The following PARD3B variants were observed in gnomAD, a reference collection of about 807,000 sequenced individuals.
PARD3B encodes the protein par-3 family cell polarity regulator beta.
PARD3B carries 103 observed loss-of-function variants against 130.2 expected under a neutral mutation model. The observed-to-expected ratio is 0.79, with a 90% CI of 0.67 to 0.93. The LOEUF (loss-of-function observed/expected upper bound fraction) is 0.93, where lower values mean the gene tolerates loss of function less well. Ranked by LOEUF, PARD3B falls within the 40% of genes least tolerant of loss-of-function variation. PARD3B has a pLI of 0.00. For synonymous variants in PARD3B, 583 were observed against 553.2 expected (o/e 1.05, Z -0.76); for missense variants, 1,609 against 1,499.2 (o/e 1.07, Z -1.21).
At chr2:205,056,998 G>T (rs1257017947) in intron 4 of PARD3B, among the ~76,000 whole-genome samples, 1 of 151,182 alleles carries the variant, frequency 6.6e-6, no homozygotes, top group African/African-American at 2.4e-5. Context: ...TTGATATAAG[G>T]TTATGGCATG....
chr2:205,068,513 A>G (rs144798710), intron 4 of PARD3B, among the ~76,000 whole-genome samples: 22 of 152,026 alleles, frequency 1.4e-4, no homozygotes, highest in African/African-American at 5.1e-4. Context: ...TTTCCAGTTT[A>G]TTAACTTTTG....
Position 205,397,978 on chromosome 2 carries a change from A to G in PARD3B, c.2631-3035A>G, listed in dbSNP as rs1457068791. 1.3e-5 allele frequency among the ~76,000 whole-genome samples: 2 copies of G among 152,138 alleles called. No individual in the cohort carries two copies. Among genetic ancestry groups the G allele is most frequent in the Non-Finnish European group, 2.9e-5 (2 of 68,032 alleles). On this transcript the variant is annotated intron_variant, in intron 18 of 22. Transcript: ENST00000406610. This position sits in a 1 kb window ranked among gnomAD's most constrained non-coding sequence, Gnocchi z 4.8. The stretch of plus-strand genomic sequence containing the variant: ...TAGGTTAAGGAGAAGTCTTGAATGT[A>G]TCAGGCAAATCTGAATTATATTTGA...
At chr2:204,651,124 C>T (rs2035461912) in intron 1 of PARD3B, among the ~76,000 whole-genome samples, 2 of 152,162 alleles carry the variant, frequency 1.3e-5, no homozygotes, top group African/African-American at 4.8e-5. Context: ...TCATGTCCTT[C>T]TCACATTTCA....
At chr2:205,311,322 C>T (rs543752253) in intron 18 of PARD3B, among the ~76,000 whole-genome samples, 3 of 152,158 alleles carry the variant, frequency 2.0e-5, no homozygotes, top group East Asian at 1.9e-4. Flanking sequence ...ACATCCTTGC[C>T]GACACTTATC....
At chr2:204,856,504 A>C (rs1353570015) in intron 2 of PARD3B, among the ~76,000 whole-genome samples, 1 of 152,098 alleles carries the variant, frequency 6.6e-6, no homozygotes, top group African/African-American at 2.4e-5. Flanking sequence ...TCACTCTGTT[A>C]ACTGTTTCCT....
chr2:204,859,026 A>G (rs2045074625), intron 2 of PARD3B, among the ~76,000 whole-genome samples: 1 of 151,892 alleles, frequency 6.6e-6, no homozygotes, highest in African/African-American at 2.4e-5. Context: ...ATTATTCTCA[A>G]ATTTCAGTGA....
chr2:204,965,707 A>C lies in PARD3B; in HGVS notation c.394+384A>C, dbSNP rs182432159. Among the ~76,000 whole-genome samples the C allele has an allele frequency of 2.0e-4, 31 of 152,332 alleles. No individual in the cohort carries two copies. The East Asian group carries it at 5.8e-3, about 28-fold the overall frequency. ...AAGGTCACTTTATTTTCTTAGCCTC[A>C]GTCTTTTTCTGCCCAAACTATAATC... is the stretch of plus-strand genomic sequence containing the variant. On this transcript the variant is annotated intron_variant, in intron 3 of 22. Coordinates refer to ENST00000406610, the MANE Select transcript of PARD3B (RefSeq NM_001302769.2).
intron 22 of PARD3B, among the ~76,000 whole-genome samples, chr2:205,600,626 C>T (rs1458157886): frequency 6.6e-6 from 1 of 152,194 alleles, no homozygotes; most frequent in Non-Finnish European, 1.5e-5. Flanking sequence ...CCCCTGCATG[C>T]ATTAGCTGTT....
intron 21 of PARD3B, among the ~76,000 whole-genome samples, chr2:205,540,215 T>G (rs2052062028): frequency 6.6e-6 from 1 of 152,218 alleles, no homozygotes; most frequent in East Asian, 1.9e-4. Flanking sequence ...GTTCTTGATT[T>G]TGCAAGAGCA....
Position 204,873,942 on chromosome 2 carries a change from G to A in PARD3B, c.223-91210G>A, listed in dbSNP as rs114385868. ...CGGATCACTTGAGGTCAGGAGTTCGGGACCAGCCTGGTTAATATGGTGAAA... is the reference window on the plus strand; with the variant it reads ...CGGATCACTTGAGGTCAGGAGTTCGAGACCAGCCTGGTTAATATGGTGAAA... On this transcript the variant is annotated intron_variant, in intron 2 of 22. Coordinates refer to ENST00000406610, the MANE Select transcript of PARD3B (RefSeq NM_001302769.2). 8.5e-3 allele frequency among the ~76,000 whole-genome samples: 1,286 copies of A among 151,824 alleles called. 18 individuals are homozygous for A. The highest frequency in any genetic ancestry group is 0.028 in the African/African-American group (1,163 of 41,410).
intron 16 of PARD3B, among the ~76,000 whole-genome samples, chr2:205,264,696 CAA>C (rs954504579): frequency 1.3e-5 from 2 of 150,758 alleles, no homozygotes; most frequent in African/African-American, 4.9e-5. Context: ...GATCAACTGA[CAA>C]AAGTCAGCTT....
chr2:205,567,002 G>T (rs1252371622), intron 22 of PARD3B, among the ~76,000 whole-genome samples: 1 of 152,196 alleles, frequency 6.6e-6, no homozygotes, highest in East Asian at 1.9e-4. Flanking sequence ...ACTCCATGAA[G>T]CATAAGGATG....
At position 204,821,221 on chromosome 2, in the gene PARD3B, G is replaced by A. The variant is rs570447744; in HGVS notation, c.222+134939G>A. Among the ~76,000 whole-genome samples, 3 of 152,248 alleles carry A rather than the reference G, an allele frequency of 2.0e-5. No individual in the cohort carries two copies. The South Asian group carries it at 6.2e-4, about 32-fold the overall frequency. On this transcript the variant is annotated intron_variant, in intron 2 of 22. Coordinates refer to ENST00000406610, the MANE Select transcript of PARD3B (RefSeq NM_001302769.2). ...GGTGGGAAACAACTGACTCATGGGG[G>A]CAGGTCTTTCCCATGCTGTTCTCTT...
chr2:204,617,419 A>G (rs1204163188), intron 1 of PARD3B, among the ~76,000 whole-genome samples: 3 of 152,166 alleles, frequency 2.0e-5, no homozygotes, highest in Non-Finnish European at 4.4e-5. Context: ...CCAGGTAAAA[A>G]TCAGTCTTGC....
At chr2:204,653,803 AAAG>A (rs1456879275) in intron 1 of PARD3B, among the ~76,000 whole-genome samples, 4 of 150,402 alleles carry the variant, frequency 2.7e-5, no homozygotes, top group African/African-American at 1.0e-4. Context: ...AAAAAAAAAA[AAAG>A]AAGTTGAAAT....
At chr2:204,821,533 C>T (rs2043352533) in intron 2 of PARD3B, among the ~76,000 whole-genome samples, 1 of 125,812 alleles carries the variant, frequency 7.9e-6, no homozygotes, top group African/African-American at 3.2e-5. Flanking sequence ...GGGAACATCA[C>T]ACTCTCGGGA....
At chr2:204,551,827 A>G (rs1029084697) in intron 1 of PARD3B, among the ~76,000 whole-genome samples, 1 of 152,162 alleles carries the variant, frequency 6.6e-6, no homozygotes, top group Non-Finnish European at 1.5e-5. Context: ...TTGTGAGACT[A>G]TTTTATGAGT....
At chr2:205,500,597 T>C (rs934951103) in intron 21 of PARD3B, among the ~76,000 whole-genome samples, 3 of 152,100 alleles carry the variant, frequency 2.0e-5, no homozygotes, top group African/African-American at 7.2e-5. Context: ...GAAAAACTCA[T>C]TGGGTTTTTT....
At position 205,121,570 on chromosome 2, in the gene PARD3B, A is replaced by G. The variant is rs200137697; in HGVS notation, c.807-21A>G. 259 of 1,602,694 alleles carry G rather than the reference A, an allele frequency of 1.6e-4. 1 individual carries two copies. The African/African-American group carries it at 2.8e-3, about 17-fold the overall frequency. ...GCACCTCAAAGCAGGGTCATCATACATTTATCAACTTTCTTTCCAGGGCTC... is the reference window on the plus strand; with the variant it reads ...GCACCTCAAAGCAGGGTCATCATACGTTTATCAACTTTCTTTCCAGGGCTC... On this transcript the variant is annotated intron_variant, in intron 7 of 22. Coordinates refer to ENST00000406610, the MANE Select transcript of PARD3B (RefSeq NM_001302769.2). This position sits in a 1 kb window ranked among gnomAD's most constrained non-coding sequence, Gnocchi z 5.0.
Sources: gnomAD v4.1 joint callset for allele counts (sites outside exome capture counted in the v4.1 genomes callset) on GRCh38, gnomAD v4.1.1 for gene constraint, Gnocchi (gnomAD v3.1) non-coding constraint, MANE v1.5 for transcripts, NCBI Gene and HGNC (gene_info 2026-07-23, HGNC 2026-07-21) for gene names.